Variants in FRYL observed in about 807,000 individuals in gnomAD.
FRYL encodes protein furry homolog-like.
Under a neutral mutation model 351.2 loss-of-function variants are expected in FRYL, and 150 were observed. The observed-to-expected ratio is 0.43, with a 90% CI of 0.37 to 0.49. The LOEUF is 0.49. Among genes scored for constraint, FRYL ranks in the 20% least tolerant of loss-of-function variants. The pLI is 0.00. For synonymous variants in FRYL, 1,153 were observed against 1,257.1 expected (o/e 0.92, Z 1.75); for missense variants, 3,036 against 3,619.3 (o/e 0.84, Z 4.13).
chr4:48,593,649 C>A (rs1186983588), intron 16 of FRYL, among the ~76,000 whole-genome samples: 1 of 152,162 alleles, frequency 6.6e-6, no homozygotes, highest in Non-Finnish European at 1.5e-5. Flanking sequence ...CAGGCATGAG[C>A]CACCGTGCCC....
At chr4:48,671,853 A>AAAAAC (rs1197808153) in intron 3 of FRYL, among the ~76,000 whole-genome samples, 6 of 68,120 alleles carry the variant, frequency 8.8e-5, no homozygotes, top group South Asian at 1.1e-3. Flanking sequence ...ACTCCGTCTC[A>AAAAAC]AAAACAAAAA....
chr4:48,535,580 T>TACAC lies in FRYL; in HGVS notation c.6564+73_6564+76dup, dbSNP rs1242840175. The TACAC allele has an allele frequency of 2.2e-4, 120 of 534,326 alleles. No homozygotes were observed. The South Asian group carries it at 4.7e-3, about 21-fold the overall frequency. 33.1% of individuals were successfully genotyped at this position (534,326 alleles called of 1,614,324 possible). A position where few individuals can be genotyped will look rare whatever the true frequency, so the allele number is the denominator to read the frequency against. On this transcript the variant is annotated intron_variant, in intron 48 of 63. Coordinates refer to ENST00000358350, the MANE Select transcript of FRYL (RefSeq NM_015030.2). ...TAAAATATATATATGTGTATATATA[T>TACAC]ACACATACACACACACACACACACA...
At chr4:48,715,281 G>A (rs2149599284) in intron 1 of FRYL, among the ~76,000 whole-genome samples, 1 of 152,002 alleles carries the variant, frequency 6.6e-6, no homozygotes, top group South Asian at 2.1e-4. Context: ...AGGGCAATCA[G>A]GCAGGAGAAG....
At chr4:48,767,235 A>G (rs1316658669) in intron 1 of FRYL, among the ~76,000 whole-genome samples, 1 of 152,188 alleles carries the variant, frequency 6.6e-6, no homozygotes, top group African/African-American at 2.4e-5. Flanking sequence ...CCGCCTTCAC[A>G]TGGCCAGTAG....
intron 3 of FRYL, among the ~76,000 whole-genome samples, chr4:48,671,549 C>A (rs1762668186): frequency 6.6e-6 from 1 of 152,046 alleles, no homozygotes; most frequent in Non-Finnish European, 1.5e-5. Context: ...TGCCTGTAAC[C>A]CCAGCTACTC....
At chr4:48,554,195 C>G (rs1190380171) in intron 35 of FRYL, among the ~76,000 whole-genome samples, 1 of 152,176 alleles carries the variant, frequency 6.6e-6, no homozygotes, top group Non-Finnish European at 1.5e-5. Context: ...GCATCATCAT[C>G]TGGAGTTTGC....
At chr4:48,562,456 G>A (rs1292058420) in intron 32 of FRYL, among the ~76,000 whole-genome samples, 2 of 152,120 alleles carry the variant, frequency 1.3e-5, no homozygotes, top group South Asian at 4.1e-4. Flanking sequence ...CAATATATCC[G>A]TGTTTGGTAA....
At chr4:48,508,304 AT>A (rs768592236) in intron 59 of FRYL, among the ~76,000 whole-genome samples, 3 of 152,186 alleles carry the variant, frequency 2.0e-5, no homozygotes, top group Non-Finnish European at 4.4e-5. Flanking sequence ...ACCATCTGAG[AT>A]TTTGAATGAG....
chr4:48,643,745 C>T (rs779423750), intron 3 of FRYL, among the ~76,000 whole-genome samples: 9 of 152,052 alleles, frequency 5.9e-5, no homozygotes, highest in Admixed American at 4.6e-4. Context: ...ACCTTCTATT[C>T]GCAAAAATAA....
intron 1 of FRYL, among the ~76,000 whole-genome samples, chr4:48,724,809 A>G (rs1249189376): frequency 1.3e-5 from 2 of 152,274 alleles, no homozygotes; most frequent in Admixed American, 6.5e-5. Context: ...GGGTAGAATA[A>G]TAGAGAAAGG....
rs775426871 is a variant in FRYL at position 48,527,675 on chromosome 4, A to G, written c.7141-22T>C. The G allele has an allele frequency of 1.0e-4, 159 of 1,582,644 alleles. 1 individual carries two copies. In the East Asian group the frequency reaches 3.5e-3, roughly 35 times the overall value. Reference sequence around the variant, plus strand: ...CAACCTGATGCCCGATTAAAAAAAAAAAAAAAGTCCATCCATCAGATTTGT... The same window carrying G: ...CAACCTGATGCCCGATTAAAAAAAAGAAAAAAGTCCATCCATCAGATTTGT... On this transcript the variant is annotated intron_variant, in intron 52 of 63. Transcript: ENST00000358350.
Position 48,549,676 on chromosome 4 carries a change from A to G in FRYL, c.4634-53T>C. ...TACACCATCTAATTTCTGCCAATATAAGCAAACTCTAGTAAGATCCCAACT... is the reference window on the plus strand; with the variant it reads ...TACACCATCTAATTTCTGCCAATATGAGCAAACTCTAGTAAGATCCCAACT... On this transcript the variant is annotated intron_variant, in intron 38 of 63. Coordinates refer to ENST00000358350, the MANE Select transcript of FRYL (RefSeq NM_015030.2). This position sits in a 1 kb window ranked among gnomAD's most constrained non-coding sequence, Gnocchi z 4.2. 6.9e-7 allele frequency: 1 copy of G among 1,457,062 alleles called. No individual in the cohort carries two copies. The highest frequency in any genetic ancestry group is 9.5e-7 in the Non-Finnish European group (1 of 1,053,808). 90.3% of individuals were successfully genotyped at this position (1,457,062 alleles called of 1,614,324 possible). A position where few individuals can be genotyped will look rare whatever the true frequency, so the allele number is the denominator to read the frequency against.
chr4:48,563,577 G>C (rs1245872253), intron 31 of FRYL, among the ~76,000 whole-genome samples: 2 of 152,056 alleles, frequency 1.3e-5, no homozygotes, highest in African/African-American at 4.8e-5. Flanking sequence ...AGGCATGGTA[G>C]TGGGAGCCTA....
chr4:48,765,634 A>G lies in FRYL; in HGVS notation c.-384+14444T>C, dbSNP rs138772867. 3.9e-4 allele frequency among the ~76,000 whole-genome samples: 60 copies of G among 152,324 alleles called. 1 individual carries two copies. In the East Asian group the frequency reaches 7.1e-3, roughly 18 times the overall value. ...TTGACACCAAAAGCAAAGGCAACAA[A>G]GCAAAACAAGTGGGACTATGTCAAA... On this transcript the variant is annotated intron_variant, in intron 1 of 63. Coordinates refer to ENST00000358350, the MANE Select transcript of FRYL (RefSeq NM_015030.2).
At position 48,595,971 on chromosome 4, in the gene FRYL, T is replaced by G. The variant is rs775933924; in HGVS notation, c.1065A>C (p.Ala355=). 1.2e-6 allele frequency: 2 copies of G among 1,603,162 alleles called. No homozygotes were observed. Among genetic ancestry groups the G allele is most frequent in the Non-Finnish European group, 1.7e-6 (2 of 1,176,426 alleles). The change falls in exon 14 of 64, where the codon GCA becomes GCC. Residue 355 remains alanine, a synonymous_variant. Transcript: ENST00000358350. ...KNKDPKMSRV[A]LESLYRLLWV... ...ACAATAATCTATACAAAGATTCCAGTGCAACTCGAGACATTTTCGGATCTT... is the reference window on the plus strand; with the variant it reads ...ACAATAATCTATACAAAGATTCCAGGGCAACTCGAGACATTTTCGGATCTT...
chr4:48,659,179 T>C (rs1216559911), intron 3 of FRYL, among the ~76,000 whole-genome samples: 2 of 151,760 alleles, frequency 1.3e-5, no homozygotes, highest in African/African-American at 4.8e-5. Flanking sequence ...GGTGAAACCC[T>C]GTCTCTACTG....
intron 1 of FRYL, among the ~76,000 whole-genome samples, chr4:48,777,553 G>A (rs1305986590): frequency 6.6e-6 from 1 of 152,122 alleles, no homozygotes; most frequent in Non-Finnish European, 1.5e-5. Flanking sequence ...CAAGAAATGT[G>A]TGCATATAAA....
rs1185686881 is a variant in FRYL at position 48,499,586 on chromosome 4, T to G, written c.8878A>C (p.Thr2960Pro). 1.2e-6 allele frequency: 2 copies of G among 1,614,144 alleles called. No individual in the cohort carries two copies. ...IYFHHQTLGQ[T>P]GSFAVIGSNL... ...GAGCCTATAACTGCAAAGCTTCCTGTCTGGCCCAGCGTCTGATGATGGAAA... is the reference window on the plus strand; with the variant it reads ...GAGCCTATAACTGCAAAGCTTCCTGGCTGGCCCAGCGTCTGATGATGGAAA... Residue 2960 changes from threonine to proline, a missense_variant, in exon 64 of 64, where the codon ACA (threonine) becomes CCA (proline). Around this residue, in one of 7 missense-constraint regions of FRYL, gnomAD observed 1,987 missense variants for 2,311.7 expected, o/e 0.86. Transcript: ENST00000358350.
At chr4:48,727,810 C>T (rs1284602292) in intron 1 of FRYL, among the ~76,000 whole-genome samples, 2 of 152,172 alleles carry the variant, frequency 1.3e-5, no homozygotes, top group African/African-American at 4.8e-5. Context: ...TCAGCCTTAG[C>T]CTTCCATGTG....
Sources: gnomAD v4.1 joint callset for allele counts (sites outside exome capture counted in the v4.1 genomes callset) on GRCh38, gnomAD v4.1.1 for gene constraint, gnomAD v4.1.1 regional missense constraint, Gnocchi (gnomAD v3.1) non-coding constraint, MANE v1.5 for transcripts, NCBI Gene and HGNC (gene_info 2026-07-23, HGNC 2026-07-21) for gene names.